Variants in CNTNAP5 observed in about 807,000 individuals in gnomAD.
CNTNAP5 encodes the protein contactin associated protein family member 5.
A neutral mutation model predicts 150.2 loss-of-function variants in CNTNAP5; 72 were observed. That is an observed-to-expected ratio of 0.48 (90% CI 0.40 to 0.58). CNTNAP5 has a LOEUF of 0.58. Ranked by LOEUF, CNTNAP5 falls within the 20% of genes least tolerant of loss-of-function variation. The probability of loss-of-function intolerance (pLI) is 0.00; values close to 1 mark genes in which losing one functional copy is unlikely to be tolerated. For synonymous variants in CNTNAP5, 672 were observed against 619.8 expected, an observed-to-expected ratio of 1.08 and a Z score of -1.25; for missense variants, 1,636 against 1,626.2, an observed-to-expected ratio of 1.01 and a Z score of -0.10.
At chr2:124,884,353 A>C (rs947826935) in intron 21 of CNTNAP5, among the ~76,000 whole-genome samples, 1 of 152,020 alleles carries the variant, frequency 6.6e-6, no homozygotes, top group African/African-American at 2.4e-5. Context: ...GTATGTATTC[A>C]TATCTGGACA....
chr2:124,123,335 A>C (rs537876006), intron 1 of CNTNAP5, among the ~76,000 whole-genome samples: 63 of 152,258 alleles, frequency 4.1e-4, no homozygotes, highest in African/African-American at 1.5e-3. Context: ...AACTGCAAAA[A>C]GGTGGCAGCG....
intron 10 of CNTNAP5, among the ~76,000 whole-genome samples, chr2:124,559,351 T>C (rs1369688565): frequency 1.3e-5 from 2 of 152,198 alleles, no homozygotes; most frequent in South Asian, 2.1e-4. Context: ...TCTGCTTTTA[T>C]ACAGAGGCTA....
chr2:124,413,222 C>G (rs1691822433), intron 3 of CNTNAP5, among the ~76,000 whole-genome samples: 2 of 147,386 alleles, frequency 1.4e-5, no homozygotes, highest in African/African-American at 5.0e-5. Context: ...ATTAAAAAGT[C>G]AGGAAACAAC....
At position 124,025,324 on chromosome 2, in the gene CNTNAP5, G is replaced by A; in HGVS notation, c.-327G>A. 1 of 321,008 alleles carries A rather than the reference G, an allele frequency of 3.1e-6. No individual in the cohort carries two copies. The highest frequency in any genetic ancestry group is 1.0e-3 in the Middle Eastern group (1 of 1,004). 19.9% of individuals were successfully genotyped at this position (321,008 alleles called of 1,614,324 possible). On this transcript the variant is annotated 5_prime_UTR_variant, in exon 1 of 24. Coordinates refer to ENST00000682447, the MANE Select transcript of CNTNAP5 (RefSeq NM_001367498.1). The stretch of plus-strand genomic sequence containing the variant: ...CGCGCCCGACGAGGTGGATTTGGCT[G>A]TCCACCGAGCTCCGGCGCCTGTCGT...
intron 18 of CNTNAP5, among the ~76,000 whole-genome samples, chr2:124,795,835 A>T (rs1382803704): frequency 2.0e-5 from 3 of 151,722 alleles, no homozygotes; most frequent in East Asian, 1.9e-4. Context: ...TGTTTTTTTT[A>T]AAATATGTGT....
chr2:124,170,873 A>G (rs1374078818), intron 1 of CNTNAP5, among the ~76,000 whole-genome samples: 2 of 151,994 alleles, frequency 1.3e-5, no homozygotes, highest in East Asian at 3.9e-4. Flanking sequence ...ACCCCATGGC[A>G]CATCCCTTCT....
intron 4 of CNTNAP5, among the ~76,000 whole-genome samples, chr2:124,434,165 C>T (rs1573992614): frequency 6.6e-6 from 1 of 152,302 alleles, no homozygotes; most frequent in African/African-American, 2.4e-5. Context: ...AGCCATCTGA[C>T]ATAGTAAGCC....
intron 13 of CNTNAP5, among the ~76,000 whole-genome samples, chr2:124,698,791 G>T (rs1679458995): frequency 6.6e-6 from 1 of 152,088 alleles, no homozygotes; most frequent in Admixed American, 6.6e-5. Flanking sequence ...CCCCTGGGGA[G>T]CCTCCCACTC....
chr2:124,076,106 G>A (rs1682431125), intron 1 of CNTNAP5, among the ~76,000 whole-genome samples: 1 of 152,122 alleles, frequency 6.6e-6, no homozygotes, highest in Non-Finnish European at 1.5e-5. Flanking sequence ...GGTAAAGGCT[G>A]ATTTAGATTT....
At chr2:124,599,368 A>G (rs1401457601) in intron 11 of CNTNAP5, among the ~76,000 whole-genome samples, 4 of 152,244 alleles carry the variant, frequency 2.6e-5, no homozygotes, top group East Asian at 3.9e-4. Context: ...AAATATTTAG[A>G]TAAATTATTA....
At chr2:124,793,927 A>G (rs954876989) in intron 18 of CNTNAP5, among the ~76,000 whole-genome samples, 6 of 152,232 alleles carry the variant, frequency 3.9e-5, no homozygotes, top group African/African-American at 1.4e-4. Flanking sequence ...TTAGAAATCT[A>G]GAAAAGTTAA....
In CNTNAP5 at chr2:124,294,262, C is replaced by T. The variant is rs113232667; in HGVS notation, c.381+51869C>T. 4.0e-3 allele frequency among the ~76,000 whole-genome samples: 605 copies of T among 152,034 alleles called. 2 individuals carry two copies. The highest frequency in any genetic ancestry group is 0.013 in the African/African-American group (521 of 41,442). ...ACTCTTCTGATCCCAGGAAAAGAGTCTTGGGCACAACAGATAAATGCAATA... is the reference window on the plus strand; with the variant it reads ...ACTCTTCTGATCCCAGGAAAAGAGTTTTGGGCACAACAGATAAATGCAATA... On this transcript the variant is annotated intron_variant, in intron 3 of 23. Transcript: ENST00000682447.
chr2:124,027,999 GTTTATT>G (rs1291024481), intron 1 of CNTNAP5, among the ~76,000 whole-genome samples: 1 of 151,950 alleles, frequency 6.6e-6, no homozygotes, highest in African/African-American at 2.4e-5. Flanking sequence ...TAGGACTTGG[GTTTATT>G]TTTATCTATA....
chr2:124,243,850 A>G (rs1686947953), intron 3 of CNTNAP5, among the ~76,000 whole-genome samples: 1 of 152,122 alleles, frequency 6.6e-6, no homozygotes, highest in South Asian at 2.1e-4. Flanking sequence ...TTTGGGGACT[A>G]TTTTATTTTT....
chr2:124,285,672 G>A (rs1201512378), intron 3 of CNTNAP5, among the ~76,000 whole-genome samples: 5 of 151,976 alleles, frequency 3.3e-5, no homozygotes, highest in Non-Finnish European at 5.9e-5. Flanking sequence ...GTTTGGTGGC[G>A]TGTACCTGTA....
rs186764220 is a variant in CNTNAP5, at chr2:124,202,877, A to G, written c.83-18828A>G. ...ATTATGGGAGCTACAATTCAAGACG[A>G]AATTTGAGTGAGGACACAGCCAGAC... On this transcript the variant is annotated intron_variant, in intron 1 of 23. Transcript: ENST00000682447. Among the ~76,000 whole-genome samples the G allele has an allele frequency of 1.8e-3, 275 of 152,194 alleles. 1 individual carries two copies. Among genetic ancestry groups the G allele is most frequent in the African/African-American group, 6.5e-3 (268 of 41,534 alleles).
chr2:124,378,399 C>T (rs1201924253), intron 3 of CNTNAP5, among the ~76,000 whole-genome samples: 1 of 152,048 alleles, frequency 6.6e-6, no homozygotes, highest in Admixed American at 6.6e-5. Flanking sequence ...ATGAAGGCGA[C>T]CATTTTTAGT....
chr2:124,129,062 A>AAAAT (rs543818155), intron 1 of CNTNAP5, among the ~76,000 whole-genome samples: 1 of 151,988 alleles, frequency 6.6e-6, no homozygotes, highest in South Asian at 2.1e-4. Flanking sequence ...AAGTATAATA[A>AAAAT]AAATAAATAA....
intron 3 of CNTNAP5, among the ~76,000 whole-genome samples, chr2:124,277,122 A>G (rs1453990064): frequency 6.6e-6 from 1 of 152,164 alleles, no homozygotes; most frequent in Non-Finnish European, 1.5e-5. Context: ...CTGAAACCCA[A>G]CCAAGAACAG....
Sources: gnomAD v4.1 joint callset for allele counts (sites outside exome capture counted in the v4.1 genomes callset) on GRCh38, gnomAD v4.1.1 for gene constraint, MANE v1.5 for transcripts, NCBI Gene and HGNC (gene_info 2026-07-23, HGNC 2026-07-21) for gene names.